LYRM7: variants seen among roughly 807,000 people sequenced by gnomAD.
The protein encoded by LYRM7 is complex III assembly factor LYRM7.
A neutral mutation model predicts 15.8 loss-of-function variants in LYRM7; 9 were observed. The observed-to-expected ratio is 0.57, with a 90% CI of 0.34 to 0.99. The LOEUF is 0.99. LYRM7 is among the 50% of genes least tolerant of loss of function. LYRM7 has a pLI of 0.02. For synonymous variants in LYRM7, 39 were observed against 39.4 expected (o/e 0.99, Z 0.04); for missense variants, 115 against 119.1 (o/e 0.97, Z 0.16).
chr5:131,177,152 G>T (rs1755614913), intron 1 of LYRM7, among the ~76,000 whole-genome samples: 2 of 151,976 alleles, frequency 1.3e-5, no homozygotes, highest in African/African-American at 4.8e-5. Flanking sequence ...AGATATCCTA[G>T]ATATCTGTTC....
At chr5:131,184,974 C>T (rs1219733918) in intron 3 of LYRM7, among the ~76,000 whole-genome samples, 2 of 152,022 alleles carry the variant, frequency 1.3e-5, no homozygotes, top group African/African-American at 2.4e-5. Flanking sequence ...GATAGCAAAT[C>T]CTGTTGACTT....
rs190865538 is a variant in LYRM7 at position 131,188,208 on chromosome 5, G to A, written c.244+1099G>A. Among the ~76,000 whole-genome samples, 120 of 152,176 alleles carry A rather than the reference G, an allele frequency of 7.9e-4. 2 individuals are homozygous for A. Among genetic ancestry groups the A allele is most frequent in the Admixed American group, 7.3e-3 (112 of 15,268 alleles). On this transcript the variant is annotated intron_variant, in intron 4 of 4. Transcript: ENST00000379380. ...GGAGGTTGAGGCCTTAATGAGCCGC[G>A]AGTATGCCACTGTACTCCAGCCTGG...
At chr5:131,171,090 C>A in intron 1 of LYRM7, 52 bp downstream of exon 1, 1 of 1,476,538 alleles carries the variant, frequency 6.8e-7, no homozygotes, top group Non-Finnish European at 8.9e-7. Flanking sequence ...AGGGTATGTT[C>A]GCGTCCTTGA....
At chr5:131,179,628 CCTGA>C (rs1300818480) in intron 1 of LYRM7, among the ~76,000 whole-genome samples, 1 of 151,516 alleles carries the variant, frequency 6.6e-6, no homozygotes, top group Non-Finnish European at 1.5e-5. Flanking sequence ...ACCACCATGG[CCTGA>C]CTAATTTTAA....
In LYRM7 at chr5:131,182,609, A is replaced by G. The variant is rs142948856; in HGVS notation, c.162+310A>G. Among the ~76,000 whole-genome samples the G allele has an allele frequency of 7.2e-5, 11 of 152,352 alleles. No homozygotes were observed. In the East Asian group the frequency reaches 2.1e-3, roughly 29 times the overall value. ...AAGCAAGTGACTGGAACTAAAGAGAATGAGTGTTGTAGTAACTCAGAACTA... is the reference window on the plus strand; with the variant it reads ...AAGCAAGTGACTGGAACTAAAGAGAGTGAGTGTTGTAGTAACTCAGAACTA... On this transcript the variant is annotated intron_variant, in intron 3 of 4. Transcript: ENST00000379380.
At position 131,195,141 on chromosome 5, in the gene LYRM7, G is replaced by A. The variant is rs1043644962; in HGVS notation, c.245-4390G>A. Among the ~76,000 whole-genome samples the A allele has an allele frequency of 4.6e-5, 7 of 151,966 alleles. No individual in the cohort carries two copies. In the East Asian group the frequency reaches 9.7e-4, roughly 21 times the overall value. ...AAATTAGCCAGGCATGGTGGTGGGC[G>A]CCTGTAATCCCAGCTACTCGGGAGG... is the stretch of plus-strand genomic sequence containing the variant. On this transcript the variant is annotated intron_variant, in intron 4 of 4. Coordinates refer to ENST00000379380, the MANE Select transcript of LYRM7 (RefSeq NM_181705.4).
intron 1 of LYRM7, among the ~76,000 whole-genome samples, chr5:131,173,259 T>A (rs1472901186): frequency 6.6e-6 from 1 of 152,202 alleles, no homozygotes; most frequent in African/African-American, 2.4e-5. Context: ...ATTACTCAAT[T>A]CCAAAGCCAC....
At chr5:131,181,302 A>AAATATATATATATATAT (rs1554089865) in intron 2 of LYRM7, among the ~76,000 whole-genome samples, 4 of 8,772 alleles carry the variant, frequency 4.6e-4, no homozygotes, top group Admixed American at 3.2e-3. Context: ...AAAAAAAAAA[A>AAATATATATATATATAT]ATATATATAT....
intron 3 of LYRM7, among the ~76,000 whole-genome samples, chr5:131,183,634 T>C (rs1451006196): frequency 6.6e-6 from 1 of 152,154 alleles, no homozygotes; most frequent in Non-Finnish European, 1.5e-5. Context: ...ATTAAGATTT[T>C]AGTAATTTTA....
chr5:131,189,210 G>A lies in LYRM7; in HGVS notation c.244+2101G>A, dbSNP rs1391394114. On this transcript the variant is annotated intron_variant, in intron 4 of 4. Coordinates refer to ENST00000379380, the MANE Select transcript of LYRM7 (RefSeq NM_181705.4). ...TGTAATCCCAGCACTTTGGGAGGCC[G>A]AGGCGGGCGGATCACGAGGTCAGGA... is the stretch of plus-strand genomic sequence containing the variant. Among the ~76,000 whole-genome samples the A allele has an allele frequency of 4.6e-5, 7 of 151,550 alleles. No individual in the cohort carries two copies. The South Asian group carries it at 1.0e-3, about 23-fold the overall frequency.
intron 4 of LYRM7, 62 bp from the exon 5 acceptor site, chr5:131,199,469 G>A (rs1489510957): frequency 5.3e-6 from 6 of 1,125,740 alleles, no homozygotes; most frequent in Non-Finnish European, 6.3e-6. Flanking sequence ...GGAAATGAGT[G>A]TCCTTGCATT....
At chr5:131,195,876 A>G (rs181570956) in intron 4 of LYRM7, among the ~76,000 whole-genome samples, 13 of 152,256 alleles carry the variant, frequency 8.5e-5, no homozygotes, top group Middle Eastern at 3.4e-3. Context: ...TAAAGCCCCA[A>G]AGAAGGGCAT....
chr5:131,185,029 C>A (rs2149662661), intron 3 of LYRM7, among the ~76,000 whole-genome samples: 2 of 152,186 alleles, frequency 1.3e-5, no homozygotes, highest in Admixed American at 1.3e-4. Context: ...TACTTCTTAT[C>A]CTCCCTGTAA....
intron 2 of LYRM7, 31 bp from the exon 3 acceptor site, chr5:131,182,198 C>G: frequency 1.5e-6 from 2 of 1,368,900 alleles, no homozygotes; most frequent in Non-Finnish European, 2.0e-6. Context: ...ATTACAAAAG[C>G]GAATAACTAT....
At chr5:131,172,869 G>A (rs1035271807) in intron 1 of LYRM7, among the ~76,000 whole-genome samples, 3 of 152,134 alleles carry the variant, frequency 2.0e-5, no homozygotes, top group Non-Finnish European at 4.4e-5. Flanking sequence ...CATCTACACT[G>A]CCTGAATTGT....
At chr5:131,193,690 T>C (rs1755919978) in intron 4 of LYRM7, among the ~76,000 whole-genome samples, 1 of 152,194 alleles carries the variant, frequency 6.6e-6, no homozygotes, top group African/African-American at 2.4e-5. Flanking sequence ...TGGTCCAAAA[T>C]TGAGATAAAG....
chr5:131,180,867 A>G (rs1755679846), intron 2 of LYRM7, among the ~76,000 whole-genome samples: 1 of 152,196 alleles, frequency 6.6e-6, no homozygotes, highest in African/African-American at 2.4e-5. Flanking sequence ...TCCTATTTTT[A>G]CAAATGAGAA....
At chr5:131,198,967 G>C (rs1176228311) in intron 4 of LYRM7, among the ~76,000 whole-genome samples, 1 of 152,064 alleles carries the variant, frequency 6.6e-6, no homozygotes, top group Non-Finnish European at 1.5e-5. Context: ...ATTTCTCAAT[G>C]TGGGCACTAT....
At chr5:131,174,546 T>C (rs1413285041) in intron 1 of LYRM7, among the ~76,000 whole-genome samples, 2 of 152,190 alleles carry the variant, frequency 1.3e-5, no homozygotes, top group Non-Finnish European at 2.9e-5. Flanking sequence ...AGCTATAGCC[T>C]TATGAGTCTT....
Sources: gnomAD v4.1 joint callset for allele counts (sites outside exome capture counted in the v4.1 genomes callset) on GRCh38, gnomAD v4.1.1 for gene constraint, MANE v1.5 for transcripts, NCBI Gene and HGNC (gene_info 2026-07-23, HGNC 2026-07-21) for gene names.